Variants in PDZD8 observed in about 807,000 individuals in gnomAD.
The protein encoded by PDZD8 is PDZ domain containing 8, also known as PDZ domain-containing protein 8.
In PDZD8, 14 loss-of-function variants were observed where a neutral mutation model predicts 85.8. The ratio of observed to expected loss-of-function variants is 0.16; its 90% CI spans 0.11 to 0.26. The LOEUF is 0.26. Ranked by LOEUF, PDZD8 falls within the 10% of genes least tolerant of loss-of-function variation. The pLI, the probability that PDZD8 is intolerant of heterozygous loss-of-function variation, is 1.00. For missense variants in PDZD8, 1,197 were observed against 1,424.3 expected, an observed-to-expected ratio of 0.84 and a Z score of 2.57; for synonymous variants, 592 against 568.6, an observed-to-expected ratio of 1.04 and a Z score of -0.59.
intron 3 of PDZD8, among the ~76,000 whole-genome samples, chr10:117,307,376 T>C (rs902628036): frequency 6.6e-6 from 1 of 152,042 alleles, no homozygotes; most frequent in Non-Finnish European, 1.5e-5. Flanking sequence ...AAATTAAAAA[T>C]CTGCTTCATG....
chr10:117,328,189 CTG>C (rs1415719909), intron 2 of PDZD8, among the ~76,000 whole-genome samples: 2 of 152,186 alleles, frequency 1.3e-5, no homozygotes, highest in East Asian at 3.8e-4. Context: ...TCAAGACTAA[CTG>C]TTCAGAATGT....
intron 2 of PDZD8, among the ~76,000 whole-genome samples, chr10:117,319,770 C>T (rs1844198324): frequency 6.6e-6 from 1 of 151,998 alleles, no homozygotes; most frequent in Non-Finnish European, 1.5e-5. Context: ...ACTCATGGGT[C>T]CAACTTCTAT....
At chr10:117,337,961 C>T (rs1374920525) in intron 2 of PDZD8, among the ~76,000 whole-genome samples, 1 of 152,134 alleles carries the variant, frequency 6.6e-6, no homozygotes, top group Admixed American at 6.5e-5. Flanking sequence ...CTTTCATTTT[C>T]TCTAGTGCCT....
chr10:117,371,053 T>C (rs1845181097), intron 1 of PDZD8, among the ~76,000 whole-genome samples: 2 of 152,158 alleles, frequency 1.3e-5, no homozygotes, highest in African/African-American at 4.8e-5. Flanking sequence ...TTTCCTCATC[T>C]GTAAAAAAAG....
In PDZD8 at chr10:117,285,255, T is replaced by C; in HGVS notation, c.1478A>G (p.Glu493Gly). 1 of 1,614,170 alleles carries C rather than the reference T, an allele frequency of 6.2e-7. No homozygotes were observed. The highest frequency in any genetic ancestry group is 8.5e-7 in the Non-Finnish European group (1 of 1,180,026). The part of the protein sequence containing the change: ...AGLTVDTESR[E>G]LDSEFEDLAS... ...CAAGTCTTCAAATTCAGAATCCAGC[T>C]CTCTACTTTCAGTATCTACTGTCAA... is the stretch of plus-strand genomic sequence containing the variant. The change falls in exon 5 of 5, where the codon GAG becomes GGG. Residue 493 changes from glutamate (E) to glycine (G), a missense_variant. Physicochemically the swap from Glu to Gly is moderately conservative, Grantham distance 98 (BLOSUM62 -2). Around this residue, in one of 4 missense-constraint regions of PDZD8, gnomAD observed 263 missense variants for 261.9 expected, o/e 1.00. Transcript: ENST00000334464.
chr10:117,371,480 T>C (rs1015528239), intron 1 of PDZD8, among the ~76,000 whole-genome samples: 49 of 152,322 alleles, frequency 3.2e-4, no homozygotes, highest in African/African-American at 1.2e-3. Context: ...CCACTGCACC[T>C]GGCCCATCAC....
At position 117,375,152 on chromosome 10, in the gene PDZD8, G is replaced by A; in HGVS notation, c.76C>T (p.Leu26=). 6.3e-7 allele frequency: 1 copy of A among 1,588,968 alleles called. No homozygotes were observed. The highest frequency in any genetic ancestry group is 8.5e-7 in the Non-Finnish European group (1 of 1,173,992). Residue 26 remains leucine (L), a synonymous_variant, in exon 1 of 5, where the codon CTG becomes TTG. Coordinates refer to ENST00000334464, the MANE Select transcript of PDZD8 (RefSeq NM_173791.5). The part of the protein sequence containing the change: ...FLTLLAQFFL[L]YRRQPEPPAD... The stretch of plus-strand genomic sequence containing the variant: ...GGCGGCTCGGGCTGTCTGCGGTACA[G>A]CAGGAAGAACTGGGCGAGGAGCGTG...
intron 3 of PDZD8, among the ~76,000 whole-genome samples, chr10:117,308,087 AT>A (rs1185063340): frequency 6.6e-6 from 1 of 152,102 alleles, no homozygotes; most frequent in Non-Finnish European, 1.5e-5. Flanking sequence ...AATATTCTTT[AT>A]TCCTAAAAAG....
intron 1 of PDZD8, among the ~76,000 whole-genome samples, chr10:117,342,485 T>A (rs1471918159): frequency 6.6e-6 from 1 of 152,104 alleles, no homozygotes; most frequent in Non-Finnish European, 1.5e-5. Flanking sequence ...GTTCCTTTTT[T>A]ATTTTTTCTT....
intron 2 of PDZD8, among the ~76,000 whole-genome samples, chr10:117,332,555 G>GGA (rs1234808265): frequency 4.9e-5 from 7 of 141,976 alleles, no homozygotes; most frequent in Non-Finnish European, 7.5e-5. Context: ...TGCCCAGGCT[G>GGA]GAGTGCAATG....
In PDZD8 at chr10:117,283,576, G is replaced by A. The variant is rs1259624991; in HGVS notation, c.3157C>T (p.His1053Tyr). The change falls in exon 5 of 5, where the codon CAC becomes TAC. Residue 1053 changes from histidine to tyrosine, a missense_variant. Coordinates refer to ENST00000334464, the MANE Select transcript of PDZD8 (RefSeq NM_173791.5). Reference protein sequence around the residue: ...LQNEIDQELEHNNSLVREEKE... With the variant: ...LQNEIDQELEYNNSLVREEKE... The stretch of plus-strand genomic sequence containing the variant: ...TCTTCTCTAACAAGGGAATTATTGT[G>A]TTCCAACTCCTGATCAATTTCATTC... 1.2e-6 allele frequency: 2 copies of A among 1,613,992 alleles called. No homozygotes were observed. Among genetic ancestry groups the A allele is most frequent in the East Asian group, 2.2e-5 (1 of 44,898 alleles).
At chr10:117,306,417 T>C (rs1367156449) in intron 3 of PDZD8, among the ~76,000 whole-genome samples, 1 of 152,240 alleles carries the variant, frequency 6.6e-6, no homozygotes, top group Non-Finnish European at 1.5e-5. Context: ...GAAATAAATT[T>C]AAATTTTATA....
At chr10:117,348,214 A>T (rs1159501103) in intron 1 of PDZD8, among the ~76,000 whole-genome samples, 1 of 152,196 alleles carries the variant, frequency 6.6e-6, no homozygotes, top group African/African-American at 2.4e-5. Flanking sequence ...GAATTGTCTG[A>T]TAAAATAATA....
In PDZD8 at chr10:117,325,947, T is replaced by C. The variant is rs191665267; in HGVS notation, c.996-6973A>G. Among the ~76,000 whole-genome samples, 137 of 152,248 alleles carry C rather than the reference T, an allele frequency of 9.0e-4. 1 individual carries two copies. In the Middle Eastern group the frequency reaches 0.01, roughly 11 times the overall value. On this transcript the variant is annotated intron_variant, in intron 2 of 4. Coordinates refer to ENST00000334464, the MANE Select transcript of PDZD8 (RefSeq NM_173791.5). ...GATGGTTTCCCCCATGCTGTTCTTGTGATAGTGAGTGAGACTCACAAGATG... is the reference window on the plus strand; with the variant it reads ...GATGGTTTCCCCCATGCTGTTCTTGCGATAGTGAGTGAGACTCACAAGATG...
At chr10:117,366,671 T>C (rs116140964) in intron 1 of PDZD8, among the ~76,000 whole-genome samples, 4,861 of 152,110 alleles carry the variant, frequency 0.032, 87 homozygotes, top group South Asian at 0.039. Context: ...CCATTCTTAA[T>C]GCAGGGGCCT....
chr10:117,315,608 A>C (rs987101461), intron 3 of PDZD8, among the ~76,000 whole-genome samples: 2 of 151,116 alleles, frequency 1.3e-5, no homozygotes, highest in African/African-American at 4.9e-5. Context: ...AAAAAAAAAA[A>C]AAAACAATAA....
intron 3 of PDZD8, among the ~76,000 whole-genome samples, chr10:117,304,510 C>T (rs925727584): frequency 6.6e-6 from 1 of 151,884 alleles, no homozygotes; most frequent in African/African-American, 2.4e-5. Context: ...GAAGGCATGA[C>T]TGGTTTTGAA....
At chr10:117,306,689 A>T (rs112223179) in intron 3 of PDZD8, among the ~76,000 whole-genome samples, 18 of 151,612 alleles carry the variant, frequency 1.2e-4, no homozygotes, top group Non-Finnish European at 5.9e-5. Flanking sequence ...TTTTTTTTTA[A>T]AAAATTACTT....
chr10:117,359,594 C>T (rs573482814), intron 1 of PDZD8, among the ~76,000 whole-genome samples: 1 of 152,096 alleles, frequency 6.6e-6, no homozygotes, highest in East Asian at 1.9e-4. Flanking sequence ...GCCTATAGTC[C>T]CAACTGCTCG....
Sources: gnomAD v4.1 joint callset for allele counts (sites outside exome capture counted in the v4.1 genomes callset) on GRCh38, gnomAD v4.1.1 for gene constraint, gnomAD v4.1.1 regional missense constraint, MANE v1.5 for transcripts, NCBI Gene and HGNC (gene_info 2026-07-23, HGNC 2026-07-21) for gene names.